The following GFI1 variants were observed in gnomAD, a reference collection of about 807,000 sequenced individuals.
The protein encoded by GFI1 is growth factor independent 1 transcriptional repressor.
In GFI1, 15 loss-of-function variants were observed where a neutral mutation model predicts 39.2. The ratio of observed to expected loss-of-function variants is 0.38; its 90% CI spans 0.26 to 0.59. The LOEUF is 0.59. GFI1 is among the 20% of genes least tolerant of loss of function. The pLI, the probability that GFI1 is intolerant of heterozygous loss-of-function variation, is 0.62. For missense variants in GFI1, 475 were observed against 574.0 expected (o/e 0.83, Z 1.76); for synonymous variants, 239 against 254.3 (o/e 0.94, Z 0.57).
In GFI1 at chr1:92,480,082, G is replaced by A. The variant is rs1484968098; in HGVS notation, c.924+266C>T. 6.6e-6 allele frequency among the ~76,000 whole-genome samples: 1 copy of A among 152,198 alleles called. No homozygotes were observed. Among genetic ancestry groups the A allele is most frequent in the African/African-American group, 2.4e-5 (1 of 41,448 alleles). On this transcript the variant is annotated intron_variant, in intron 5 of 6. Transcript: ENST00000294702. This position sits in a 1 kb window ranked among gnomAD's most constrained non-coding sequence, Gnocchi z 5.6. ...ATCAGTGCATACAAACCTACCTCAA[G>A]CCCAAAGTAACAATGAGGATCACAC...
Position 92,482,844 on chromosome 1 carries a change from G to A in GFI1, c.298+20C>T, listed in dbSNP as rs762399601. On this transcript the variant is annotated intron_variant, in intron 3 of 6. Coordinates refer to ENST00000294702, the MANE Select transcript of GFI1 (RefSeq NM_005263.5). The surrounding 1 kb of genome is among the most constrained non-coding windows in gnomAD (Gnocchi z 4.4). Reference sequence around the variant, plus strand: ...GGGTCCCTGCAGCTCCCGCCCAAGAGGTTCCCAGTGGGTTCCTACCTGGAG... The same window carrying A: ...GGGTCCCTGCAGCTCCCGCCCAAGAAGTTCCCAGTGGGTTCCTACCTGGAG... 4 of 1,606,910 alleles carry A rather than the reference G, an allele frequency of 2.5e-6. 1 individual carries two copies. The highest frequency in any genetic ancestry group is 2.2e-5 in the East Asian group (1 of 44,820).
Position 92,476,071 on chromosome 1 carries a change from C to T in GFI1, c.1227G>A (p.Val409=). The change falls in exon 7 of 7, where the codon GTG becomes GTA. Residue 409 remains valine, a synonymous_variant. Coordinates refer to ENST00000294702, the MANE Select transcript of GFI1 (RefSeq NM_005263.5). ...DLCGKGFQRK[V]DLRRHRETQH... ...GCGTCTCCCGGTGCCTTCGGAGGTC[C>T]ACCTTCCTCTGGAAACCCTTCCCAC... 2 of 1,614,148 alleles carry T rather than the reference C, an allele frequency of 1.2e-6. No homozygotes were observed. Among genetic ancestry groups the T allele is most frequent in the African/African-American group, 1.3e-5 (1 of 75,062 alleles).
At position 92,478,748 on chromosome 1, in the gene GFI1, C is replaced by T. The variant is rs769183564; in HGVS notation, c.930G>A (p.Arg310=). 1 of 1,488,362 alleles carries T rather than the reference C, an allele frequency of 6.7e-7. No homozygotes were observed. Among genetic ancestry groups the T allele is most frequent in the African/African-American group, 1.7e-5 (1 of 59,482 alleles). 92.2% of individuals were successfully genotyped at this position (1,488,362 alleles called of 1,614,324 possible). ...EQHKAVHSQE[R]SFDCKICGKS... Reference sequence around the variant, plus strand: ...TCCCACAGATCTTACAGTCAAAGCTCCGTTCCTGCAGAGAGAGAGAGAGAG... The same window carrying T: ...TCCCACAGATCTTACAGTCAAAGCTTCGTTCCTGCAGAGAGAGAGAGAGAG... Residue 310 remains arginine (R), a synonymous_variant, in exon 6 of 7, where the codon CGG becomes CGA. Coordinates refer to ENST00000294702, the MANE Select transcript of GFI1 (RefSeq NM_005263.5).
chr1:92,478,772 A>C lies in GFI1; in HGVS notation c.925-19T>G. 1 of 1,605,010 alleles carries C rather than the reference A, an allele frequency of 6.2e-7. No homozygotes were observed. The highest frequency in any genetic ancestry group is 1.1e-5 in the South Asian group (1 of 90,310). ...TCCGTTCCTGCAGAGAGAGAGAGAG[A>C]GAGAGAGAGAGAGAGAGAGAGATGC... On this transcript the variant is annotated intron_variant, in intron 5 of 6. Transcript: ENST00000294702.
chr1:92,477,136 CTT>C (rs1658015937), intron 6 of GFI1, among the ~76,000 whole-genome samples: 1 of 152,170 alleles, frequency 6.6e-6, no homozygotes, highest in South Asian at 2.1e-4. Context: ...GCTAAAAACT[CTT>C]TTCTGTTTTC....
chr1:92,486,567 C>CTAGGGCTG (rs1206210123), intron 1 of GFI1, among the ~76,000 whole-genome samples, 159 bp downstream of exon 1: 1 of 150,690 alleles, frequency 6.6e-6, no homozygotes, highest in African/African-American at 2.4e-5. Context: ...GCTGCACCAC[C>CTAGGGCTG]CCCGGGTCGG....
rs1447137288 is a variant in GFI1, at chr1:92,480,503, A to G, written c.787-18T>C. 6.5e-7 allele frequency: 1 copy of G among 1,549,116 alleles called. No individual in the cohort carries two copies. Among genetic ancestry groups the G allele is most frequent in the Non-Finnish European group, 8.7e-7 (1 of 1,146,130 alleles). ...GAGAACACCTAAGGCGGGTGGGGCC[A>G]GAGAGAAGGCCGCTGAGAGGGGCCG... On this transcript the variant is annotated intron_variant, in intron 4 of 6. Coordinates refer to ENST00000294702, the MANE Select transcript of GFI1 (RefSeq NM_005263.5). The surrounding 1 kb of genome is among the most constrained non-coding windows in gnomAD (Gnocchi z 5.6).
At position 92,474,888 on chromosome 1, in the gene GFI1, C is replaced by T. The variant is rs888730207; in HGVS notation, c.*1141G>A. The T allele has an allele frequency of 6.6e-6, 1 of 152,536 alleles. No homozygotes were observed. The highest frequency in any genetic ancestry group is 2.4e-5 in the African/African-American group (1 of 41,448). 9.4% of individuals were successfully genotyped at this position (152,536 alleles called of 1,614,324 possible). On this transcript the variant is annotated 3_prime_UTR_variant, in exon 7 of 7. Coordinates refer to ENST00000294702, the MANE Select transcript of GFI1 (RefSeq NM_005263.5). ...CAAAGTGAAAATACCACCTTTCCCC[C>T]CTCTATGGTACACATGGAGGGTCAA...
chr1:92,483,398 C>G lies in GFI1; in HGVS notation c.90G>C (p.Glu30Asp). The change falls in exon 2 of 7, where the codon GAG (glutamate) becomes GAC (aspartate). Residue 30 changes from glutamate to aspartate, a missense_variant. Transcript: ENST00000294702. ...CTGCTCGGCTAGGCGCCGGTACATTCTCTAAACGGAGGGAATAGTCTGGTC... is the reference window on the plus strand; with the variant it reads ...CTGCTCGGCTAGGCGCCGGTACATTGTCTAAACGGAGGGAATAGTCTGGTC... ...SPGPDYSLRL[E>D]NVPAPSRADS... 1.2e-6 allele frequency: 2 copies of G among 1,611,848 alleles called. No individual in the cohort carries two copies. The highest frequency in any genetic ancestry group is 1.7e-6 in the Non-Finnish European group (2 of 1,178,088).
Position 92,481,950 on chromosome 1 carries a change from T to TGCGCGCGC in GFI1, c.299-863_299-862insGCGCGCGC, listed in dbSNP as rs1363205144. 0.025 allele frequency among the ~76,000 whole-genome samples: 94 copies of TGCGCGCGC among 3,720 alleles called. No individual in the cohort carries two copies. The Middle Eastern group carries it at 0.38, about 15-fold the overall frequency. The allele number at this position is 3,720 out of a possible 152,430, so 2.4% of individuals were successfully genotyped here. On this transcript the variant is annotated intron_variant, in intron 3 of 6. Coordinates refer to ENST00000294702, the MANE Select transcript of GFI1 (RefSeq NM_005263.5). This position sits in a 1 kb window ranked among gnomAD's most constrained non-coding sequence, Gnocchi z 4.3. Reference sequence around the variant, plus strand: ...GCATTTACAAATGTGTGTGTGTGTGTGTGCGCACAACACTCCAGTTCAGGC... The same window carrying TGCGCGCGC: ...GCATTTACAAATGTGTGTGTGTGTGTGCGCGCGCGTGCGCACAACACTCCAGTTCAGGC...
chr1:92,481,207 A>T lies in GFI1; in HGVS notation c.299-119T>A. On this transcript the variant is annotated intron_variant, in intron 3 of 6. Coordinates refer to ENST00000294702, the MANE Select transcript of GFI1 (RefSeq NM_005263.5). This position sits in a 1 kb window ranked among gnomAD's most constrained non-coding sequence, Gnocchi z 4.3. ...GCGGGGCACCCAGCGCTTGTAGAAC[A>T]CTGCGTGCGCCAGGTGCCAGGCTCG... 1.1e-6 allele frequency: 1 copy of T among 910,014 alleles called. No individual in the cohort carries two copies. The allele number at this position is 910,014 out of a possible 1,614,324, so 56.4% of individuals were successfully genotyped here. A position where few individuals can be genotyped will look rare whatever the true frequency, so the allele number is the denominator to read the frequency against.
rs545511857 is a variant in GFI1 at position 92,482,681 on chromosome 1, C to T, written c.298+183G>A. The stretch of plus-strand genomic sequence containing the variant: ...CCTGGGATGGAGGCAGCAGCCCCAG[C>T]GGGCAAGCTGTCCAAGTCCCAGAGA... On this transcript the variant is annotated intron_variant, in intron 3 of 6. Transcript: ENST00000294702. This position sits in a 1 kb window ranked among gnomAD's most constrained non-coding sequence, Gnocchi z 4.4. 1.3e-5 allele frequency among the ~76,000 whole-genome samples: 2 copies of T among 152,368 alleles called. No individual in the cohort carries two copies. Among genetic ancestry groups the T allele is most frequent in the East Asian group, 1.9e-4 (1 of 5,190 alleles).
At chr1:92,483,171 G>T in intron 2 of GFI1, 125 bp from the exon 3 acceptor site, 2 of 952,852 alleles carry the variant, frequency 2.1e-6, no homozygotes, top group Non-Finnish European at 1.5e-6. Flanking sequence ...GACCCCGGCC[G>T]GGAACCCTCT....
intron 2 of GFI1, 111 bp downstream of exon 2, chr1:92,483,262 A>G: frequency 1.3e-6 from 1 of 760,834 alleles, no homozygotes; most frequent in East Asian, 2.7e-5. Flanking sequence ...AAACAAAAAC[A>G]GCAGCAAAAG....
chr1:92,474,110 T>C lies in GFI1; in HGVS notation c.*1919A>G, dbSNP rs569391258. The stretch of plus-strand genomic sequence containing the variant: ...ATTCTGGTTTCATTCTCTTAAAGGA[T>C]TGACTTATGCAAAAAACTCCCACAG... On this transcript the variant is annotated 3_prime_UTR_variant, in exon 7 of 7. Transcript: ENST00000294702. Among the ~76,000 whole-genome samples, 3 of 152,312 alleles carry C rather than the reference T, an allele frequency of 2.0e-5. No individual in the cohort carries two copies. Among genetic ancestry groups the C allele is most frequent in the East Asian group, 1.9e-4 (1 of 5,182 alleles).
In GFI1 at chr1:92,483,578, G is replaced by C. The variant is rs939370891; in HGVS notation, c.-91C>G. 1 of 771,620 alleles carries C rather than the reference G, an allele frequency of 1.3e-6. No individual in the cohort carries two copies. The highest frequency in any genetic ancestry group is 2.7e-5 in the East Asian group (1 of 37,534). 47.8% of individuals were successfully genotyped at this position (771,620 alleles called of 1,614,324 possible). ...CCGAGGGCTTGCTCAGCCCCAGCCCGGAGGAGACCTGAGAGGGAAAGAAAA... is the reference window on the plus strand; with the variant it reads ...CCGAGGGCTTGCTCAGCCCCAGCCCCGAGGAGACCTGAGAGGGAAAGAAAA... On this transcript the variant is annotated 5_prime_UTR_variant, in exon 2 of 7. Coordinates refer to ENST00000294702, the MANE Select transcript of GFI1 (RefSeq NM_005263.5).
intron 6 of GFI1, among the ~76,000 whole-genome samples, chr1:92,476,445 A>T (rs1440174176): frequency 6.6e-6 from 1 of 152,204 alleles, no homozygotes; most frequent in Non-Finnish European, 1.5e-5. Context: ...GTTCCCAGCC[A>T]AAGGCCTCAA....
chr1:92,484,109 C>CG lies in GFI1; in HGVS notation c.-99-524dup, dbSNP rs1260036939. On this transcript the variant is annotated intron_variant, in intron 1 of 6. Coordinates refer to ENST00000294702, the MANE Select transcript of GFI1 (RefSeq NM_005263.5). This position sits in a 1 kb window ranked among gnomAD's most constrained non-coding sequence, Gnocchi z 4.1. ...CAGCTACCAACTGGAGTGAAAGGACCGGGGGGAGGGGGGAACAGAACACAA... is the reference window on the plus strand; with the variant it reads ...CAGCTACCAACTGGAGTGAAAGGACCGGGGGGGAGGGGGGAACAGAACACAA... Among the ~76,000 whole-genome samples, 1 of 150,260 alleles carries CG rather than the reference C, an allele frequency of 6.7e-6. No individual in the cohort carries two copies. Among genetic ancestry groups the CG allele is most frequent in the Non-Finnish European group, 1.5e-5 (1 of 67,666 alleles).
intron 5 of GFI1, among the ~76,000 whole-genome samples, chr1:92,479,570 G>A (rs1015105686): frequency 1.3e-5 from 2 of 152,184 alleles, no homozygotes; most frequent in African/African-American, 2.4e-5. Context: ...AAATAGCGGC[G>A]GTGGGGCATG....
Sources: gnomAD v4.1 joint callset for allele counts (sites outside exome capture counted in the v4.1 genomes callset) on GRCh38, gnomAD v4.1.1 for gene constraint, Gnocchi (gnomAD v3.1) non-coding constraint, MANE v1.5 for transcripts, NCBI Gene and HGNC (gene_info 2026-07-23, HGNC 2026-07-21) for gene names.